LNPEP: variants seen among roughly 807,000 people sequenced by gnomAD.
LNPEP encodes leucyl and cystinyl aminopeptidase.
In LNPEP, 64 loss-of-function variants were observed where a neutral mutation model predicts 120.6. The observed-to-expected ratio is 0.53, with a 90% CI of 0.43 to 0.65. The LOEUF (loss-of-function observed/expected upper bound fraction) is 0.65. LNPEP is among the 30% of genes least tolerant of loss of function. The probability of loss-of-function intolerance (pLI) is 0.00; values close to 1 mark genes in which losing one functional copy is unlikely to be tolerated. For missense variants in LNPEP, 1,057 were observed against 1,200.0 expected (o/e 0.88, Z 1.76); for synonymous variants, 435 against 425.4 (o/e 1.02, Z -0.28).
At chr5:97,023,363 C>T (rs1791260874) in intron 14 of LNPEP, among the ~76,000 whole-genome samples, 1 of 152,100 alleles carries the variant, frequency 6.6e-6, no homozygotes, top group African/African-American at 2.4e-5. Context: ...CATTGATTCT[C>T]CTGCCCCAGT....
At chr5:96,976,273 A>G (rs566119924) in intron 1 of LNPEP, among the ~76,000 whole-genome samples, 1 of 152,290 alleles carries the variant, frequency 6.6e-6, no homozygotes, top group East Asian at 1.9e-4. Context: ...TCTATATTGC[A>G]CAGTGAAATA....
chr5:96,987,489 A>T (rs1408497299), intron 4 of LNPEP, among the ~76,000 whole-genome samples: 1 of 152,170 alleles, frequency 6.6e-6, no homozygotes, highest in Non-Finnish European at 1.5e-5. Context: ...TCTAGACTAA[A>T]GAGCTTTATA....
At chr5:96,966,947 A>G (rs1789741509) in intron 1 of LNPEP, among the ~76,000 whole-genome samples, 1 of 152,132 alleles carries the variant, frequency 6.6e-6, no homozygotes, top group Non-Finnish European at 1.5e-5. Flanking sequence ...TGAAAAGTCC[A>G]GAAACCTTGT....
chr5:96,962,504 TA>T (rs1466078850), intron 1 of LNPEP, among the ~76,000 whole-genome samples: 1 of 152,222 alleles, frequency 6.6e-6, no homozygotes, highest in Admixed American at 6.5e-5. Flanking sequence ...CTCAATGAGA[TA>T]GATAATATTA....
At position 96,996,446 on chromosome 5, in the gene LNPEP, T is replaced by A. The variant is rs1790519179; in HGVS notation, c.1464T>A (p.Gly488=). Residue 488 remains glycine (G), a synonymous_variant, in exon 7 of 18, where the codon GGT becomes GGA. Transcript: ENST00000231368. ...GGAATGACCTATGGCTAAATGAAGG[T>A]TTTGCCACTTTCATGGAGTATTTCT... ...KWWNDLWLNE[G]FATFMEYFSL... 2.5e-6 allele frequency: 4 copies of A among 1,611,898 alleles called. No individual in the cohort carries two copies. Among genetic ancestry groups the A allele is most frequent in the Non-Finnish European group, 2.5e-6 (3 of 1,178,380 alleles).
chr5:96,979,306 TGGA>T lies in LNPEP; in HGVS notation c.195_197del (p.Glu65del), dbSNP rs777168392. On this transcript the variant is annotated inframe_deletion, in exon 2 of 18. Transcript: ENST00000231368. ...GTGCGGGGTCTTGGTGAGCATGAGA[TGGA>T]GGAGGATGAAGAGGATTATGAGTCA... The T allele has an allele frequency of 5.6e-6, 9 of 1,613,830 alleles. No individual in the cohort carries two copies. The South Asian group carries it at 9.9e-5, about 18-fold the overall frequency.
chr5:97,008,857 G>A (rs530436845), intron 11 of LNPEP, among the ~76,000 whole-genome samples: 85 of 151,790 alleles, frequency 5.6e-4, no homozygotes, highest in Admixed American at 1.2e-3. Context: ...GTAGAGACGG[G>A]GTTTCACCAT....
intron 1 of LNPEP, among the ~76,000 whole-genome samples, chr5:96,941,640 G>C (rs1367455291): frequency 6.6e-6 from 1 of 152,138 alleles, no homozygotes; most frequent in Non-Finnish European, 1.5e-5. Flanking sequence ...GGCCGTTATA[G>C]AGAGTGTTGC....
chr5:96,986,435 A>G (rs1157079217), intron 3 of LNPEP, 104 bp from the exon 4 acceptor site: 2 of 1,138,786 alleles, frequency 1.8e-6, no homozygotes, highest in African/African-American at 3.1e-5. Flanking sequence ...ATATGCTAGC[A>G]TCTTTACCAT....
intron 1 of LNPEP, chr5:96,936,478 T>C (rs949935352): frequency 2.3e-5 from 7 of 310,810 alleles, no homozygotes; most frequent in African/African-American, 1.5e-4. Context: ...AGTGGGAAAG[T>C]TGGCAGCTCA....
chr5:96,952,853 C>G (rs1020529801), intron 1 of LNPEP, among the ~76,000 whole-genome samples: 4 of 152,112 alleles, frequency 2.6e-5, no homozygotes, highest in Admixed American at 6.5e-5. Context: ...TTAGACTAAT[C>G]TTAGTTTTCA....
At chr5:97,007,760 A>T (rs1047702637) in intron 11 of LNPEP, among the ~76,000 whole-genome samples, 1 of 152,198 alleles carries the variant, frequency 6.6e-6, no homozygotes, top group African/African-American at 2.4e-5. Flanking sequence ...TTGTTATAAA[A>T]TATTGCCTTA....
chr5:96,958,570 A>T, intron 1 of LNPEP: 3 of 825,064 alleles, frequency 3.6e-6, no homozygotes, highest in Non-Finnish European at 4.4e-6. Context: ...AAACTTAAGC[A>T]ATATAGTACA....
intron 1 of LNPEP, among the ~76,000 whole-genome samples, chr5:96,963,987 C>T (rs534249713): frequency 6.6e-6 from 1 of 152,216 alleles, no homozygotes; most frequent in South Asian, 2.1e-4. Flanking sequence ...ACACCAGAAT[C>T]TCTTCCACTT....
At chr5:96,993,385 G>T (rs939628624) in intron 5 of LNPEP, among the ~76,000 whole-genome samples, 5 of 152,142 alleles carry the variant, frequency 3.3e-5, no homozygotes, top group African/African-American at 1.2e-4. Context: ...TTTGCTTATG[G>T]CTTAGTCTGC....
rs1442371281 is a variant in LNPEP at position 97,036,803 on chromosome 5, CT to C, written c.*8272del. On this transcript the variant is annotated 3_prime_UTR_variant, in exon 18 of 18. Transcript: ENST00000231368. ...AAAAGTAGCCTATACTTTGCTATTA[CT>C]TATACCTGCTGCCATAGAAAAAAAT... 6.6e-6 allele frequency: 1 copy of C among 152,122 alleles called. No individual in the cohort carries two copies. Among genetic ancestry groups the C allele is most frequent in the African/African-American group, 2.4e-5 (1 of 41,434 alleles). The allele number at this position is 152,122 out of a possible 1,614,324, so 9.4% of individuals were successfully genotyped here. A position where few individuals can be genotyped will look rare whatever the true frequency, so the allele number is the denominator to read the frequency against.
At position 97,011,240 on chromosome 5, in the gene LNPEP, A is replaced by G. The variant is rs941451420; in HGVS notation, c.2036-2408A>G. Reference sequence around the variant, plus strand: ...GTTTCTTTTCTTTACGTTTGTTTTTATTAGAGACAGGGTCCTGCTCTGTCA... The same window carrying G: ...GTTTCTTTTCTTTACGTTTGTTTTTGTTAGAGACAGGGTCCTGCTCTGTCA... On this transcript the variant is annotated intron_variant, in intron 11 of 17. Transcript: ENST00000231368. 1.9e-5 allele frequency: 18 copies of G among 966,878 alleles called. No individual in the cohort carries two copies. The African/African-American group carries it at 2.8e-4, about 15-fold the overall frequency. 59.9% of individuals were successfully genotyped at this position (966,878 alleles called of 1,614,324 possible). A position where few individuals can be genotyped will look rare whatever the true frequency, so the allele number is the denominator to read the frequency against.
chr5:96,952,146 AAAAG>A (rs1789339311), intron 1 of LNPEP, among the ~76,000 whole-genome samples: 1 of 152,210 alleles, frequency 6.6e-6, no homozygotes, highest in African/African-American at 2.4e-5. Context: ...AAATTTAAAA[AAAAG>A]AGAATTATTA....
intron 15 of LNPEP, among the ~76,000 whole-genome samples, chr5:97,025,718 A>G (rs955227072): frequency 1.3e-5 from 2 of 152,176 alleles, no homozygotes; most frequent in Admixed American, 6.5e-5. Context: ...TAAAAACCAT[A>G]TTAGGTTTAT....
Sources: allele counts gnomAD v4.1 joint callset (sites outside exome capture counted in the v4.1 genomes callset), GRCh38; gene constraint gnomAD v4.1.1; transcripts MANE v1.5; gene names NCBI Gene and HGNC (gene_info 2026-07-23, HGNC 2026-07-21).